The following REL variants were observed in gnomAD, a reference collection of about 807,000 sequenced individuals.
REL encodes proto-oncogene c-Rel.
A neutral mutation model predicts 45.9 loss-of-function variants in REL; 15 were observed. The observed-to-expected ratio is 0.33, with a 90% CI of 0.22 to 0.50. The LOEUF (loss-of-function observed/expected upper bound fraction) is 0.50, where lower values mean the gene tolerates loss of function less well. Among genes scored for constraint, REL ranks in the 20% least tolerant of loss-of-function variants. The pLI is 0.98. For synonymous variants in REL, 239 were observed against 242.1 expected, an observed-to-expected ratio of 0.99 and a Z score of 0.12; for missense variants, 601 against 715.2, an observed-to-expected ratio of 0.84 and a Z score of 1.82.
rs1674202665 is a variant in REL, at chr2:60,923,609, CA to C, written c.*1079del. The C allele has an allele frequency of 8.6e-6, 2 of 232,746 alleles. No homozygotes were observed. Among genetic ancestry groups the C allele is most frequent in the African/African-American group, 2.2e-5 (1 of 45,386 alleles). 14.4% of individuals were successfully genotyped at this position (232,746 alleles called of 1,614,324 possible). On this transcript the variant is annotated 3_prime_UTR_variant, in exon 10 of 10. Coordinates refer to ENST00000394479, the MANE Select transcript of REL (RefSeq NM_001291746.2). ...ATGCCATACTTCTGGTTGCTCAGGC[CA>C]AAAACCCTGAAGTCATCCTTGATTC...
At chr2:60,887,992 A>G (rs967119074) in intron 1 of REL, among the ~76,000 whole-genome samples, 1 of 151,630 alleles carries the variant, frequency 6.6e-6, no homozygotes, top group Admixed American at 6.6e-5. Context: ...CAGTGGTACA[A>G]TCTTGGCTCA....
chr2:60,900,915 G>T (rs914281913), intron 3 of REL, 77 bp from the exon 4 acceptor site: 15 of 1,197,374 alleles, frequency 1.3e-5, no homozygotes, highest in South Asian at 4.0e-5. Flanking sequence ...GATAACTTCA[G>T]TATTGCTATA....
intron 4 of REL, among the ~76,000 whole-genome samples, chr2:60,910,276 T>C (rs1053298913): frequency 3.3e-5 from 5 of 151,644 alleles, no homozygotes; most frequent in African/African-American, 1.2e-4. Context: ...CCATCCTGGC[T>C]AACAGGGTGA....
chr2:60,917,934 T>G (rs550756996), intron 5 of REL, among the ~76,000 whole-genome samples: 3 of 152,240 alleles, frequency 2.0e-5, no homozygotes, highest in African/African-American at 7.2e-5. Context: ...TAGGATTGAT[T>G]GGCGGAATCA....
chr2:60,909,070 ACTTT>A (rs1673734912), intron 4 of REL, among the ~76,000 whole-genome samples: 2 of 152,114 alleles, frequency 1.3e-5, no homozygotes, highest in African/African-American at 4.8e-5. Context: ...GAACTTGTGT[ACTTT>A]CTTGCTTTCA....
intron 4 of REL, among the ~76,000 whole-genome samples, chr2:60,909,579 A>C (rs1673752856): frequency 6.6e-6 from 1 of 152,106 alleles, no homozygotes; most frequent in African/African-American, 2.4e-5. Flanking sequence ...GGCATGAGCC[A>C]CCATGCCCGA....
chr2:60,882,341 A>C (rs1482459619), intron 1 of REL, among the ~76,000 whole-genome samples: 1 of 152,180 alleles, frequency 6.6e-6, no homozygotes. Flanking sequence ...TTTTAACACG[A>C]ATTAGAAAAT....
chr2:60,882,122 G>A (rs1178498461), intron 1 of REL, among the ~76,000 whole-genome samples: 2 of 152,282 alleles, frequency 1.3e-5, no homozygotes, highest in African/African-American at 4.8e-5. Context: ...AGTCATAAGC[G>A]AACCAAAGGA....
At chr2:60,900,179 G>A (rs536075120) in intron 3 of REL, 1 of 152,124 alleles carries the variant, frequency 6.6e-6, no homozygotes, top group Non-Finnish European at 1.5e-5. Context: ...AAGAGAAGCC[G>A]GAAATCCAGA....
chr2:60,921,943 G>A lies in REL; in HGVS notation c.1172G>A (p.Gly391Asp). The change falls in exon 10 of 10, where the codon GGC (glycine) becomes GAC (aspartate). Residue 391 changes from glycine (G) to aspartate (D), a missense_variant. Physicochemically the swap from Gly to Asp is moderately conservative, Grantham distance 94. Around this residue, in one of 4 missense-constraint regions of REL, gnomAD observed 334 missense variants for 333.1 expected, o/e 1.00. Coordinates refer to ENST00000394479, the MANE Select transcript of REL (RefSeq NM_001291746.2). ...GTGGCCCACCCCACCCCACGCTCAG[G>A]CAATACAAACCCACTGAGTAGTTTT... ...SSVAHPTPRS[G>D]NTNPLSSFST... 1.9e-6 allele frequency: 3 copies of A among 1,614,016 alleles called. No individual in the cohort carries two copies. Among genetic ancestry groups the A allele is most frequent in the Non-Finnish European group, 2.5e-6 (3 of 1,180,004 alleles).
chr2:60,894,411 T>C lies in REL; in HGVS notation c.168T>C (p.Tyr56=), dbSNP rs377365458. ...CCTTTTTTCAGATTATGAACTATTA[T>C]GGAAAAGGAAAAGTGAGAATTACAT... is the stretch of plus-strand genomic sequence containing the variant. ...TYPSIQIMNY[Y]GKGKVRITLV... is the part of the protein sequence containing the mutation. Residue 56 remains tyrosine, a synonymous_variant, in exon 3 of 10, where the codon TAT becomes TAC. Coordinates refer to ENST00000394479, the MANE Select transcript of REL (RefSeq NM_001291746.2). 22 of 1,551,526 alleles carry C rather than the reference T, an allele frequency of 1.4e-5. No individual in the cohort carries two copies. The highest frequency in any genetic ancestry group is 4.8e-5 in the South Asian group (4 of 84,042).
At chr2:60,900,595 C>G (rs1249016952) in intron 3 of REL, 1 of 170,966 alleles carries the variant, frequency 5.8e-6, no homozygotes. Flanking sequence ...GTGATCTCGG[C>G]TTACCGCAAC....
chr2:60,918,157 G>A (rs184096610), intron 5 of REL, 34 bp from the exon 6 acceptor site: 35 of 1,223,322 alleles, frequency 2.9e-5, no homozygotes, highest in Admixed American at 4.3e-5. Flanking sequence ...TACTAAGGTA[G>A]CAACTCATTT....
intron 1 of REL, among the ~76,000 whole-genome samples, chr2:60,889,024 A>G (rs1015291194): frequency 5.9e-5 from 9 of 152,160 alleles, no homozygotes; most frequent in Admixed American, 2.6e-4. Flanking sequence ...TGATCATGTG[A>G]TTTGCCTGCA....
chr2:60,911,432 CT>C (rs1191100190), intron 4 of REL: 1 of 152,004 alleles, frequency 6.6e-6, no homozygotes, highest in African/African-American at 2.4e-5. Context: ...TTTTGACAGT[CT>C]TTTTGGAGAC....
rs1461701381 is a variant in REL at position 60,923,481 on chromosome 2, G to T, written c.*946G>T. ...ACTGCCTATTTGACATCTCTATCTA[G>T]AAATCTAATTAAAGCTCACACTCAG... On this transcript the variant is annotated 3_prime_UTR_variant, in exon 10 of 10. Transcript: ENST00000394479. 2.2e-5 allele frequency: 5 copies of T among 232,306 alleles called. No homozygotes were observed. The highest frequency in any genetic ancestry group is 1.7e-4 in the Admixed American group (3 of 17,766). The allele number at this position is 232,306 out of a possible 1,614,324, so 14.4% of individuals were successfully genotyped here. A position where few individuals can be genotyped will look rare whatever the true frequency, so the allele number is the denominator to read the frequency against.
At chr2:60,915,437 TTGTACAGAGTA>T (rs1297606326) in intron 4 of REL, among the ~76,000 whole-genome samples, 2 of 152,242 alleles carry the variant, frequency 1.3e-5, no homozygotes, top group Non-Finnish European at 2.9e-5. Flanking sequence ...GACCTTTCAG[TTGTACAGAGTA>T]CAGATGTGTT....
intron 1 of REL, among the ~76,000 whole-genome samples, chr2:60,884,890 G>A (rs1673033673): frequency 6.6e-6 from 1 of 152,158 alleles, no homozygotes; most frequent in African/African-American, 2.4e-5. Flanking sequence ...GGAAGTAAGT[G>A]TGAGGCAACT....
intron 4 of REL, among the ~76,000 whole-genome samples, chr2:60,908,502 G>C (rs1182504906): frequency 6.6e-6 from 1 of 152,176 alleles, no homozygotes; most frequent in Non-Finnish European, 1.5e-5. Flanking sequence ...AATTGGGTGA[G>C]GAATTTAATT....
Sources: gnomAD v4.1 joint callset for allele counts (sites outside exome capture counted in the v4.1 genomes callset) on GRCh38, gnomAD v4.1.1 for gene constraint, gnomAD v4.1.1 regional missense constraint, MANE v1.5 for transcripts, NCBI Gene and HGNC (gene_info 2026-07-23, HGNC 2026-07-21) for gene names.